The following SHC3 variants were observed in gnomAD, a reference collection of about 807,000 sequenced individuals.
The protein encoded by SHC3 is SHC-transforming protein 3.
SHC3 carries 15 observed loss-of-function variants against 60.4 expected under a neutral mutation model. The observed-to-expected ratio is 0.25, with a 90% CI of 0.17 to 0.38. The LOEUF (loss-of-function observed/expected upper bound fraction) is 0.38, where lower values mean the gene tolerates loss of function less well. Among genes scored for constraint, SHC3 ranks in the 10% least tolerant of loss-of-function variants. The probability of loss-of-function intolerance (pLI) is 1.00; values close to 1 mark genes in which losing one functional copy is unlikely to be tolerated. For synonymous variants in SHC3, 294 were observed against 325.9 expected (o/e 0.90, Z 1.05); for missense variants, 677 against 786.1 (o/e 0.86, Z 1.66).
rs1324078494 is a variant in SHC3 at position 89,009,706 on chromosome 9, G to T, written c.*3741C>A. Reference sequence around the variant, plus strand: ...TCTACTCGTGGCCCGCATTGCCTCTGCCCTGGAAAGGCCTATAGTCCGAGG... The same window carrying T: ...TCTACTCGTGGCCCGCATTGCCTCTTCCCTGGAAAGGCCTATAGTCCGAGG... On this transcript the variant is annotated 3_prime_UTR_variant, in exon 12 of 12. Transcript: ENST00000375835. The T allele has an allele frequency of 1.3e-5, 2 of 152,192 alleles. No homozygotes were observed. Among genetic ancestry groups the T allele is most frequent in the Non-Finnish European group, 2.9e-5 (2 of 68,062 alleles). The allele number at this position is 152,192 out of a possible 1,614,324, so 9.4% of individuals were successfully genotyped here. A position where few individuals can be genotyped will look rare whatever the true frequency, so the allele number is the denominator to read the frequency against.
intron 1 of SHC3, among the ~76,000 whole-genome samples, chr9:89,172,157 T>C (rs1477009733): frequency 6.6e-6 from 1 of 152,218 alleles, no homozygotes; most frequent in Non-Finnish European, 1.5e-5. Flanking sequence ...CCCTGGTATC[T>C]CACTGGGGTT....
intron 1 of SHC3, among the ~76,000 whole-genome samples, chr9:89,118,319 A>T (rs1340853016): frequency 6.6e-6 from 1 of 151,724 alleles, no homozygotes. Context: ...AAACTGGATT[A>T]TGAAAGCTAA....
At chr9:89,055,254 A>G (rs900057185) in intron 6 of SHC3, among the ~76,000 whole-genome samples, 3 of 152,312 alleles carry the variant, frequency 2.0e-5, no homozygotes, top group Admixed American at 6.5e-5. Context: ...CCTCTCCCCA[A>G]ATAAGCCCAG....
intron 2 of SHC3, among the ~76,000 whole-genome samples, chr9:89,108,053 C>T (rs1177059922): frequency 6.6e-6 from 1 of 152,116 alleles, no homozygotes; most frequent in Non-Finnish European, 1.5e-5. Flanking sequence ...CCATTGTGTT[C>T]CAATTGCCTA....
At chr9:89,070,685 A>ACT (rs149441072) in intron 5 of SHC3, among the ~76,000 whole-genome samples, 53 of 150,252 alleles carry the variant, frequency 3.5e-4, no homozygotes, top group South Asian at 1.7e-3. Flanking sequence ...TCTTCTTCTT[A>ACT]CTCTCTCTCT....
At chr9:89,104,217 A>C (rs1473025169) in intron 2 of SHC3, among the ~76,000 whole-genome samples, 1 of 152,156 alleles carries the variant, frequency 6.6e-6, no homozygotes, top group African/African-American at 2.4e-5. Context: ...GGTTTCATAG[A>C]TGGTAGCTGC....
At chr9:89,109,394 A>T (rs938889676) in intron 2 of SHC3, 10 of 981,114 alleles carry the variant, frequency 1.0e-5, no homozygotes, top group African/African-American at 3.5e-5. Context: ...CACAGAATAC[A>T]TACATAGAGT....
chr9:89,094,343 G>C (rs143683052), intron 2 of SHC3, among the ~76,000 whole-genome samples: 1 of 152,140 alleles, frequency 6.6e-6, no homozygotes, highest in Non-Finnish European at 1.5e-5. Context: ...AGTTGCCCAC[G>C]TTCTCAGGGG....
chr9:89,117,305 C>T (rs951227922), intron 1 of SHC3, among the ~76,000 whole-genome samples: 1 of 152,184 alleles, frequency 6.6e-6, no homozygotes, highest in Non-Finnish European at 1.5e-5. Context: ...CTGTCCTTCC[C>T]AGTACTGCAG....
intron 2 of SHC3, among the ~76,000 whole-genome samples, chr9:89,110,900 T>A (rs1301359488): frequency 1.3e-5 from 2 of 152,168 alleles, no homozygotes. Context: ...ACAATGTTAT[T>A]ATTACTTCTG....
chr9:89,162,015 C>T (rs1826714397), intron 1 of SHC3, among the ~76,000 whole-genome samples: 1 of 117,246 alleles, frequency 8.5e-6, no homozygotes, highest in African/African-American at 3.6e-5. Flanking sequence ...GAATAAAATA[C>T]CTAGGAATCC....
intron 1 of SHC3, among the ~76,000 whole-genome samples, chr9:89,129,109 T>C (rs564138093): frequency 1.3e-5 from 2 of 152,232 alleles, no homozygotes; most frequent in Middle Eastern, 3.4e-3. Flanking sequence ...ACGTGACACA[T>C]GCACAAGCTT....
intron 4 of SHC3, among the ~76,000 whole-genome samples, 172 bp downstream of exon 4, chr9:89,074,937 T>C (rs951333545): frequency 6.6e-6 from 1 of 152,072 alleles, no homozygotes; most frequent in Non-Finnish European, 1.5e-5. Flanking sequence ...AGAGAGCCAA[T>C]TTCATTTATC....
intron 2 of SHC3, among the ~76,000 whole-genome samples, chr9:89,080,930 C>T (rs1017253582): frequency 3.3e-5 from 5 of 151,908 alleles, no homozygotes; most frequent in Non-Finnish European, 5.9e-5. Context: ...CCACGCCCAG[C>T]TAATTTTTTG....
chr9:89,051,453 G>GA (rs199769939), intron 7 of SHC3, among the ~76,000 whole-genome samples: 38 of 150,890 alleles, frequency 2.5e-4, no homozygotes, highest in Non-Finnish European at 3.5e-4. Context: ...GTTAAACACT[G>GA]AAAAAAAAAC....
intron 4 of SHC3, among the ~76,000 whole-genome samples, chr9:89,071,466 A>G (rs1825269684): frequency 6.6e-6 from 1 of 152,210 alleles, no homozygotes; most frequent in African/African-American, 2.4e-5. Context: ...GTGTCCGTGA[A>G]GCCTCGCTGC....
At chr9:89,050,559 T>TA (rs1453379382) in intron 7 of SHC3, among the ~76,000 whole-genome samples, 2 of 152,248 alleles carry the variant, frequency 1.3e-5, no homozygotes, top group African/African-American at 4.8e-5. Flanking sequence ...GTACTGAGAT[T>TA]ACAGGTGTGA....
intron 2 of SHC3, chr9:89,089,069 T>A (rs1359163340): frequency 6.6e-6 from 1 of 152,246 alleles, no homozygotes; most frequent in Non-Finnish European, 1.5e-5. Context: ...TCGGTGGCAC[T>A]GTTCTGTGGC....
At chr9:89,057,626 G>A (rs1337588791) in intron 6 of SHC3, among the ~76,000 whole-genome samples, 3 of 151,082 alleles carry the variant, frequency 2.0e-5, no homozygotes, top group Admixed American at 6.6e-5. Flanking sequence ...CTGGACGAGA[G>A]CACAAAAAAA....
Sources: allele counts gnomAD v4.1 joint callset (sites outside exome capture counted in the v4.1 genomes callset), GRCh38; gene constraint gnomAD v4.1.1; transcripts MANE v1.5; gene names NCBI Gene and HGNC (gene_info 2026-07-23, HGNC 2026-07-21).